Variants in TMEM64 observed in about 807,000 individuals in gnomAD.
TMEM64 encodes transmembrane protein 64.
In TMEM64, 19 loss-of-function variants were observed where a neutral mutation model predicts 24.5. The ratio of observed to expected loss-of-function variants is 0.78; its 90% CI spans 0.54 to 1.14. TMEM64 has a LOEUF of 1.14. TMEM64 is among the 50% of genes most tolerant of loss of function. TMEM64 has a pLI of 0.00. For missense variants in TMEM64, 487 were observed against 493.0 expected (o/e 0.99, Z 0.12); for synonymous variants, 262 against 224.7 (o/e 1.17, Z -1.49).
Position 90,628,502 on chromosome 8 carries a change from G to C in TMEM64, c.952-2640C>G, listed in dbSNP as rs569766177. On this transcript the variant is annotated intron_variant, in intron 2 of 2. Coordinates refer to ENST00000458549, the MANE Select transcript of TMEM64 (RefSeq NM_001008495.4). ...GACAAAGGAGAGAGATGGGATGTGG[G>C]GCAGTGTCGAGAAACTAGGTGAAGA... Among the ~76,000 whole-genome samples, 111 of 152,258 alleles carry C rather than the reference G, an allele frequency of 7.3e-4. 1 individual carries two copies. Among genetic ancestry groups the C allele is most frequent in the African/African-American group, 2.5e-3 (105 of 41,530 alleles).
At position 90,625,033 on chromosome 8, in the gene TMEM64, T is replaced by G. The variant is rs185123224; in HGVS notation, c.*638A>C. 9.2e-5 allele frequency: 14 copies of G among 152,650 alleles called. No individual in the cohort carries two copies. Among genetic ancestry groups the G allele is most frequent in the Admixed American group, 7.8e-4 (12 of 15,288 alleles). 9.5% of individuals were successfully genotyped at this position (152,650 alleles called of 1,614,324 possible). A position where few individuals can be genotyped will look rare whatever the true frequency, so the allele number is the denominator to read the frequency against. On this transcript the variant is annotated 3_prime_UTR_variant, in exon 3 of 3. Coordinates refer to ENST00000458549, the MANE Select transcript of TMEM64 (RefSeq NM_001008495.4). ...TACACAGTGAAAATAAACAGTTATA[T>G]TAAGAGCACTTCAGTCCCACAAGGT...
intron 2 of TMEM64, among the ~76,000 whole-genome samples, chr8:90,626,275 A>C (rs1255430877): frequency 6.6e-6 from 1 of 152,246 alleles, no homozygotes; most frequent in Admixed American, 6.5e-5. Context: ...GGTATTTCTA[A>C]GCCCACTTAG....
At chr8:90,632,985 A>T (rs1296267479) in intron 1 of TMEM64, among the ~76,000 whole-genome samples, 2 of 152,240 alleles carry the variant, frequency 1.3e-5, no homozygotes, top group Non-Finnish European at 2.9e-5. Context: ...TTATCAAAAA[A>T]TTCTAAAATT....
At position 90,645,831 on chromosome 8, in the gene TMEM64, G is replaced by C. The variant is rs1243772958; in HGVS notation, c.75C>G (p.Ala25=). 4.6e-6 allele frequency: 5 copies of C among 1,081,192 alleles called. No individual in the cohort carries two copies. The highest frequency in any genetic ancestry group is 5.3e-5 in the Admixed American group (1 of 18,864). The allele number at this position is 1,081,192 out of a possible 1,614,324, so 67.0% of individuals were successfully genotyped here. Residue 25 remains alanine, a synonymous_variant, in exon 1 of 3, where the codon GCC becomes GCG. Transcript: ENST00000458549. The surrounding 1 kb of genome is among the most constrained non-coding windows in gnomAD (Gnocchi z 4.2). ...LLQHAALPGL[A]ELPARWALPR... ...GCAGGGCCCAGCGGGCCGGCAGCTC[G>C]GCGAGGCCCGGGAGGGCGGCGTGCT...
chr8:90,643,047 T>G (rs987588698), intron 1 of TMEM64, among the ~76,000 whole-genome samples: 1 of 152,218 alleles, frequency 6.6e-6, no homozygotes, highest in African/African-American at 2.4e-5. Flanking sequence ...AACCTCTTAG[T>G]TATATACTTA....
Position 90,645,411 on chromosome 8 carries a change from C to T in TMEM64, c.495G>A (p.Val165=). ...AGGGGAAAGAGACCACGATGAAGCCCACGACGAAGAGCAGGACCCCCAGCA... is the reference window on the plus strand; with the variant it reads ...AGGGGAAAGAGACCACGATGAAGCCTACGACGAAGAGCAGGACCCCCAGCA... ...DSLLGVLLFV[V]GFIVVSFPCG... Residue 165 remains valine, a synonymous_variant, in exon 1 of 3, where the codon GTG becomes GTA. Transcript: ENST00000458549. This position sits in a 1 kb window ranked among gnomAD's most constrained non-coding sequence, Gnocchi z 4.2. 5 of 1,551,758 alleles carry T rather than the reference C, an allele frequency of 3.2e-6. No individual in the cohort carries two copies. Among genetic ancestry groups the T allele is most frequent in the Non-Finnish European group, 4.4e-6 (5 of 1,147,026 alleles).
intron 1 of TMEM64, among the ~76,000 whole-genome samples, chr8:90,641,799 A>C (rs1041826642): frequency 1.1e-4 from 16 of 152,234 alleles, no homozygotes; most frequent in African/African-American, 3.9e-4. Flanking sequence ...AAATTTTTTT[A>C]AAAAGTAGCT....
chr8:90,631,447 A>G, intron 2 of TMEM64, 105 bp downstream of exon 2: 10 of 1,047,842 alleles, frequency 9.5e-6, no homozygotes, highest in Non-Finnish European at 1.3e-5. Flanking sequence ...AAAATCTAAA[A>G]TGGAAAAACC....
intron 1 of TMEM64, among the ~76,000 whole-genome samples, chr8:90,634,016 CCT>C (rs1253666863): frequency 6.6e-6 from 1 of 151,808 alleles, no homozygotes; most frequent in Non-Finnish European, 1.5e-5. Context: ...TCTATTTTTT[CCT>C]CTTATTTTTC....
chr8:90,636,185 T>C (rs890142356), intron 1 of TMEM64, among the ~76,000 whole-genome samples: 1 of 152,242 alleles, frequency 6.6e-6, no homozygotes, highest in Non-Finnish European at 1.5e-5. Flanking sequence ...GTAACATACA[T>C]ATACACAGGT....
chr8:90,640,178 A>G (rs1022780547), intron 1 of TMEM64, among the ~76,000 whole-genome samples: 1 of 152,112 alleles, frequency 6.6e-6, no homozygotes, highest in Non-Finnish European at 1.5e-5. Context: ...CTGCCTTTCT[A>G]TTTTGCCTGA....
intron 1 of TMEM64, among the ~76,000 whole-genome samples, chr8:90,635,463 G>A (rs753223813): frequency 2.6e-5 from 4 of 151,762 alleles, no homozygotes; most frequent in Non-Finnish European, 5.9e-5. Flanking sequence ...GGCAGGGAAA[G>A]TACAGAATAT....
In TMEM64 at chr8:90,645,832, G is replaced by T. The variant is rs1456166264; in HGVS notation, c.74C>A (p.Ala25Asp). ...LLQHAALPGL[A>D]ELPARWALPR... ...CAGGGCCCAGCGGGCCGGCAGCTCG[G>T]CGAGGCCCGGGAGGGCGGCGTGCTG... Residue 25 changes from alanine (A) to aspartate (D), a missense_variant, in exon 1 of 3, where the codon GCC (alanine) becomes GAC (aspartate). Coordinates refer to ENST00000458549, the MANE Select transcript of TMEM64 (RefSeq NM_001008495.4). The surrounding 1 kb of genome is among the most constrained non-coding windows in gnomAD (Gnocchi z 4.2). 54 of 1,083,318 alleles carry T rather than the reference G, an allele frequency of 5.0e-5. No homozygotes were observed. Among genetic ancestry groups the T allele is most frequent in the Non-Finnish European group, 6.0e-5 (54 of 894,032 alleles). 67.1% of individuals were successfully genotyped at this position (1,083,318 alleles called of 1,614,324 possible).
In TMEM64 at chr8:90,626,629, CTTTTTTTT is replaced by C. The variant is rs34029067; in HGVS notation, c.952-775_952-768del. On this transcript the variant is annotated intron_variant, in intron 2 of 2. Transcript: ENST00000458549. ...GTCCCTCTGTACTTTTTTTTTCTTT[CTTTTTTTT>C]TTTTTTTTTTTGAGATGGAGTCTCG... Among the ~76,000 whole-genome samples, 162 of 105,820 alleles carry C rather than the reference CTTTTTTTT, an allele frequency of 1.5e-3. 4 individuals are homozygous for C. In the East Asian group the frequency reaches 0.041, roughly 27 times the overall value. 69.4% of individuals were successfully genotyped at this position (105,820 alleles called of 152,430 possible).
rs201839000 is a variant in TMEM64 at position 90,625,717 on chromosome 8, T to A, written c.1097A>T (p.Asn366Ile). Residue 366 changes from asparagine (N) to isoleucine (I), a missense_variant, in exon 3 of 3, where the codon AAC (asparagine) becomes ATC (isoleucine). Around this residue, in one of 3 missense-constraint regions of TMEM64, gnomAD observed 58 missense variants for 58.2 expected, o/e 1.00. Coordinates refer to ENST00000458549, the MANE Select transcript of TMEM64 (RefSeq NM_001008495.4). ...TCCAGAAAATGTTAGGGTCCTCTTG[T>A]TGTAGAATGAAGAGCCACTGGTATT... ...QPNTSGSSFY[N>I]KRTLTFSGGG... 4.8e-5 allele frequency: 78 copies of A among 1,613,808 alleles called. 2 individuals carry two copies. The South Asian group carries it at 7.7e-4, about 16-fold the overall frequency.
intron 1 of TMEM64, among the ~76,000 whole-genome samples, chr8:90,639,113 GAAAA>G (rs111564369): frequency 7.4e-6 from 1 of 135,236 alleles, no homozygotes; most frequent in South Asian, 2.4e-4. Context: ...GCTACTGGAG[GAAAA>G]AAAAAAAAAA....
intron 1 of TMEM64, among the ~76,000 whole-genome samples, chr8:90,644,240 C>A (rs4571698): frequency 0.17 from 26,102 of 152,044 alleles, 4,764 homozygotes; most frequent in African/African-American, 0.46. Context: ...CCTTCACTTT[C>A]GAAAAGAGAA....
intron 1 of TMEM64, among the ~76,000 whole-genome samples, chr8:90,634,752 G>T (rs1340225527): frequency 2.6e-5 from 4 of 152,024 alleles, no homozygotes; most frequent in African/African-American, 9.7e-5. Flanking sequence ...TACTGATTTT[G>T]AAAGTAACTT....
At chr8:90,643,760 G>C (rs920277814) in intron 1 of TMEM64, among the ~76,000 whole-genome samples, 1 of 152,168 alleles carries the variant, frequency 6.6e-6, no homozygotes, top group African/African-American at 2.4e-5. Flanking sequence ...CTATAGGAGG[G>C]TATGAAAAAG....
Sources: allele counts gnomAD v4.1 joint callset (sites outside exome capture counted in the v4.1 genomes callset), GRCh38; gene constraint gnomAD v4.1.1; regional missense constraint gnomAD v4.1.1; non-coding constraint Gnocchi (gnomAD v3.1); transcripts MANE v1.5; gene names NCBI Gene and HGNC (gene_info 2026-07-23, HGNC 2026-07-21).